Variants in SVIL observed in about 807,000 individuals in gnomAD.
SVIL encodes the protein supervillin, also known as archvillin.
SVIL carries 101 observed loss-of-function variants against 240.4 expected under a neutral mutation model. That is an observed-to-expected ratio of 0.42 (90% CI 0.36 to 0.50). The LOEUF is 0.50. Among genes scored for constraint, SVIL ranks in the 20% least tolerant of loss-of-function variants. The pLI is 0.01. For missense variants in SVIL, 2,512 were observed against 2,818.7 expected, an observed-to-expected ratio of 0.89 and a Z score of 2.46; for synonymous variants, 999 against 1,100.0, an observed-to-expected ratio of 0.91 and a Z score of 1.82.
chr10:29,470,164 C>T (rs892075283), intron 32 of SVIL, 112 bp downstream of exon 32: 6 of 1,221,738 alleles, frequency 4.9e-6, no homozygotes, highest in African/African-American at 1.5e-5. Flanking sequence ...TCCTTTGCTG[C>T]AGTCACTTTC....
At chr10:29,467,483 C>A (rs1205487057) in intron 33 of SVIL, among the ~76,000 whole-genome samples, 1 of 152,124 alleles carries the variant, frequency 6.6e-6, no homozygotes, top group Non-Finnish European at 1.5e-5. Flanking sequence ...AAGAAAAAAA[C>A]TGTTCAATCA....
chr10:29,551,325 A>C (rs543909842), intron 5 of SVIL, 62 bp from the exon 6 acceptor site: 84 of 1,461,238 alleles, frequency 5.7e-5, no homozygotes, highest in Non-Finnish European at 7.3e-5. Context: ...ATTTACACAC[A>C]GAATGACACT....
chr10:29,572,117 G>C (rs1229629600), intron 1 of SVIL, among the ~76,000 whole-genome samples: 1 of 152,168 alleles, frequency 6.6e-6, no homozygotes, highest in Admixed American at 6.5e-5. Flanking sequence ...AAACCAGGTG[G>C]ACTTAGACTA....
At chr10:29,696,471 G>A (rs1238309133) in intron 1 of SVIL, among the ~76,000 whole-genome samples, 2 of 150,674 alleles carry the variant, frequency 1.3e-5, no homozygotes, top group East Asian at 2.1e-4. Flanking sequence ...AGTGAGGAGC[G>A]TCTCTGCCCG....
At chr10:29,734,987 A>G (rs1330632782) in intron 1 of SVIL, among the ~76,000 whole-genome samples, 1 of 152,152 alleles carries the variant, frequency 6.6e-6, no homozygotes. Context: ...CTCTCATGCC[A>G]ACGCCTGAAG....
At chr10:29,574,941 C>A (rs1053777533) in intron 1 of SVIL, among the ~76,000 whole-genome samples, 5 of 152,172 alleles carry the variant, frequency 3.3e-5, no homozygotes, top group Non-Finnish European at 7.3e-5. Flanking sequence ...ATAGCTAAGG[C>A]CATAAGGCTC....
intron 17 of SVIL, among the ~76,000 whole-genome samples, chr10:29,506,802 G>A (rs982974440): frequency 6.6e-6 from 1 of 151,390 alleles, no homozygotes; most frequent in Non-Finnish European, 1.5e-5. Context: ...ATGAGGGAGG[G>A]GACAGAGGGC....
intron 1 of SVIL, among the ~76,000 whole-genome samples, chr10:29,572,553 C>T (rs1303016005): frequency 6.6e-6 from 1 of 151,834 alleles, no homozygotes; most frequent in Non-Finnish European, 1.5e-5. Flanking sequence ...TCACTTGAGG[C>T]CAGGAGTTCA....
chr10:29,564,704 T>A (rs1027455590), intron 2 of SVIL, among the ~76,000 whole-genome samples: 1 of 152,196 alleles, frequency 6.6e-6, no homozygotes, highest in Non-Finnish European at 1.5e-5. Flanking sequence ...ACCAAGCCCA[T>A]CTGAAATCTT....
intron 16 of SVIL, among the ~76,000 whole-genome samples, chr10:29,515,564 C>T (rs185129563): frequency 2.6e-5 from 4 of 152,334 alleles, no homozygotes; most frequent in East Asian, 1.9e-4. Flanking sequence ...ACTCATCTCA[C>T]TGATATTCTC....
At chr10:29,697,381 C>A (rs1265057405) in intron 1 of SVIL, among the ~76,000 whole-genome samples, 2 of 86,320 alleles carry the variant, frequency 2.3e-5, no homozygotes, top group East Asian at 3.5e-4. Flanking sequence ...GAAAAGGGGG[C>A]AAGGTGGGGA....
At chr10:29,498,576 G>T (rs1948636763) in intron 18 of SVIL, among the ~76,000 whole-genome samples, 1 of 152,126 alleles carries the variant, frequency 6.6e-6, no homozygotes, top group Non-Finnish European at 1.5e-5. Context: ...ATACTTCCAA[G>T]AATCATATAA....
chr10:29,580,262 C>A (rs960419563), intron 1 of SVIL, among the ~76,000 whole-genome samples: 1 of 152,040 alleles, frequency 6.6e-6, no homozygotes, highest in African/African-American at 2.4e-5. Flanking sequence ...GTGGGAGGAG[C>A]GTTTGAACCC....
At chr10:29,580,928 G>A (rs764495364) in intron 1 of SVIL, among the ~76,000 whole-genome samples, 2 of 152,174 alleles carry the variant, frequency 1.3e-5, no homozygotes, top group Non-Finnish European at 2.9e-5. Flanking sequence ...GATTACAGGC[G>A]TGAGCCATCA....
At chr10:29,702,145 AG>A (rs1347211449) in intron 1 of SVIL, among the ~76,000 whole-genome samples, 1 of 134,446 alleles carries the variant, frequency 7.4e-6, no homozygotes, top group Non-Finnish European at 1.5e-5. Flanking sequence ...ACTGCACTCC[AG>A]CCTGGGTAAT....
chr10:29,517,216 C>T (rs1301315510), intron 16 of SVIL, among the ~76,000 whole-genome samples: 6 of 151,688 alleles, frequency 4.0e-5, no homozygotes, highest in African/African-American at 1.5e-4. Flanking sequence ...GGTGGGAGAC[C>T]AGCCTGGGCC....
chr10:29,554,157 A>G (rs966780564), intron 5 of SVIL, among the ~76,000 whole-genome samples: 5 of 152,184 alleles, frequency 3.3e-5, no homozygotes, highest in Middle Eastern at 3.4e-3. Context: ...TAGCAAATCT[A>G]TTTAATAGCC....
intron 16 of SVIL, among the ~76,000 whole-genome samples, chr10:29,514,869 T>C (rs1329299741): frequency 6.6e-6 from 1 of 152,220 alleles, no homozygotes; most frequent in African/African-American, 2.4e-5. Context: ...TATTCTATGA[T>C]AAAAGTTTTG....
At chr10:29,506,257 C>T (rs948245006) in intron 17 of SVIL, among the ~76,000 whole-genome samples, 81 of 152,028 alleles carry the variant, frequency 5.3e-4, no homozygotes, top group African/African-American at 1.9e-3. Context: ...AGCTCATTTC[C>T]CCCGTTCGTG....
Sources: gnomAD v4.1 joint callset for allele counts (sites outside exome capture counted in the v4.1 genomes callset) on GRCh38, gnomAD v4.1.1 for gene constraint, MANE v1.5 for transcripts, NCBI Gene and HGNC (gene_info 2026-07-23, HGNC 2026-07-21) for gene names.